GABRE: variants seen among roughly 807,000 people sequenced by gnomAD.
GABRE encodes gamma-aminobutyric acid type A receptor subunit epsilon.
Under a neutral mutation model 31.0 loss-of-function variants are expected in GABRE, and 20 were observed. The ratio of observed to expected loss-of-function variants is 0.64; its 90% CI spans 0.45 to 0.94. The LOEUF (loss-of-function observed/expected upper bound fraction) is 0.94, where lower values mean the gene tolerates loss of function less well. Ranked by LOEUF, GABRE falls within the 40% of genes least tolerant of loss-of-function variation. The pLI is 0.00. For missense variants in GABRE, 420 were observed against 410.7 expected (o/e 1.02, Z -0.20); for synonymous variants, 155 against 150.6 (o/e 1.03, Z -0.21).
chrX:151,968,301 C>A (rs775033942), intron 3 of GABRE, among the ~76,000 whole-genome samples: 1 of 112,406 alleles, frequency 8.9e-6, no homozygotes, highest in East Asian at 2.8e-4. Flanking sequence ...GAGAACCCAG[C>A]TAAGCCATGC....
At chrX:151,969,848 G>C in intron 2 of GABRE, 112 bp from the exon 3 acceptor site, 4 of 1,117,995 alleles carry the variant, frequency 3.6e-6, no homozygotes, top group Non-Finnish European at 3.5e-6. Flanking sequence ...GGACCACACA[G>C]TTTCAGCATC....
intron 1 of GABRE, chrX:151,972,565 G>T: frequency 2.7e-6 from 2 of 753,440 alleles, no homozygotes; most frequent in Non-Finnish European, 3.1e-6. Flanking sequence ...GATCCTCCCC[G>T]CTGCCCCAAG....
chrX:151,968,219 A>G (rs760691575), intron 3 of GABRE, among the ~76,000 whole-genome samples: 1 of 112,148 alleles, frequency 8.9e-6, no homozygotes, highest in Non-Finnish European at 1.9e-5. Flanking sequence ...ATCCCCCCTC[A>G]GTTGAGCCTT....
At position 151,970,225 on chromosome X, in the gene GABRE, G is replaced by T; in HGVS notation, c.234C>A (p.Ile78=). Residue 78 remains isoleucine, a synonymous_variant, in exon 2 of 9, where the codon ATC becomes ATA. Transcript: ENST00000370328. The stretch of plus-strand genomic sequence containing the variant: ...GCAGTTTGTGGTCATAATTACTCAG[G>T]ATAGTGTTCAGGATGCGAGAGGCTT... ...LPEASRILNT[I]LSNYDHKLRP... The T allele has an allele frequency of 8.3e-7, 1 of 1,211,812 alleles. No homozygotes were observed. The highest frequency in any genetic ancestry group is 3.0e-5 in the East Asian group (1 of 33,824).
At position 151,955,405 on chromosome X, in the gene GABRE, T is replaced by C. The variant is rs753515807; in HGVS notation, c.1100A>G (p.Asn367Ser). 20 of 1,211,859 alleles carry C rather than the reference T, an allele frequency of 1.7e-5. No individual in the cohort carries two copies. Among genetic ancestry groups the C allele is most frequent in the Admixed American group, 2.2e-5 (1 of 46,055 alleles). ...AGGAGAAGCATGGGCTTTTGTCTGG[T>C]TGTAGATCAGGAAGTTGAGCACAGC... ...EFAVLNFLIY[N>S]QTKAHASPKL... Residue 367 changes from asparagine to serine, a missense_variant, in exon 8 of 9, where the codon AAC becomes AGC. Asn to Ser is a conservative substitution (Grantham distance 46). Transcript: ENST00000370328.
rs746584013 is a variant in GABRE at position 151,969,721 on chromosome X, A to G, written c.290T>C (p.Val97Ala). The G allele has an allele frequency of 2.5e-6, 3 of 1,210,202 alleles. No individual in the cohort carries two copies. The highest frequency in any genetic ancestry group is 1.7e-5 in the African/African-American group (1 of 57,681). The change falls in exon 3 of 9, where the codon GTC becomes GCC. Residue 97 changes from valine (V) to alanine (A), a missense_variant. Coordinates refer to ENST00000370328, the MANE Select transcript of GABRE (RefSeq NM_004961.4). ...GCTGTTGACGGAGATCTCAACAGTG[A>G]CCACAGTGGGCTTCTCTATAAGGGA... is the stretch of plus-strand genomic sequence containing the variant. ...RPGIGEKPTV[V>A]TVEISVNSLG... is the part of the protein sequence containing the mutation.
intron 2 of GABRE, 59 bp from the exon 3 acceptor site, chrX:151,969,795 A>C: frequency 8.4e-7 from 1 of 1,191,747 alleles, no homozygotes; most frequent in Non-Finnish European, 1.1e-6. Flanking sequence ...GGGACGGGGG[A>C]GGAAGTGGTC....
At chrX:151,961,111 C>T (rs1356045234) in intron 5 of GABRE, 172 bp downstream of exon 5, 6 of 435,821 alleles carry the variant, frequency 1.4e-5, no homozygotes, top group Admixed American at 4.2e-5. Flanking sequence ...AAGGGATGAG[C>T]AACACAGTAT....
chrX:151,961,697 T>G (rs1934380280), intron 4 of GABRE, among the ~76,000 whole-genome samples: 1 of 111,367 alleles, frequency 9.0e-6, no homozygotes, highest in Non-Finnish European at 1.9e-5. Flanking sequence ...TGACCTCAAG[T>G]GATCTGCCTG....
chrX:151,960,305 G>A (rs765551615), intron 5 of GABRE, among the ~76,000 whole-genome samples: 11 of 112,096 alleles, frequency 9.8e-5, no homozygotes, highest in Admixed American at 6.6e-4. Flanking sequence ...ACAGAACAGC[G>A]GGGAAACAAA....
At chrX:151,958,016 A>G (rs1326507005) in intron 6 of GABRE, 2 of 119,914 alleles carry the variant, frequency 1.7e-5, no homozygotes, top group Admixed American at 8.5e-5. Flanking sequence ...GGTCCTGTGA[A>G]ACAGTGGCTG....
intron 1 of GABRE, among the ~76,000 whole-genome samples, chrX:151,974,261 T>G (rs1361900868): frequency 1.8e-5 from 2 of 111,488 alleles, no homozygotes; most frequent in African/African-American, 3.3e-5. Flanking sequence ...GAGGAGTGCT[T>G]GTCACCAGGC....
chrX:151,969,662 T>C lies in GABRE; in HGVS notation c.342+7A>G, dbSNP rs758279214. ...AGGAAATAGTACTAAAAAAGCTTAG[T>C]ACTCACCATGTCTAGGATAGAGAGA... On this transcript the variant is annotated splice_region_variant and intron_variant, in intron 3 of 8. Transcript: ENST00000370328. The C allele has an allele frequency of 5.0e-6, 6 of 1,205,478 alleles. No individual in the cohort carries two copies. The South Asian group carries it at 9.0e-5, about 18-fold the overall frequency.
chrX:151,963,097 A>C lies in GABRE; in HGVS notation c.343-454T>G, dbSNP rs1049847282. On this transcript the variant is annotated intron_variant, in intron 3 of 8. Transcript: ENST00000370328. ...TCCAGAGGAGAGATCTCCAGAAATG[A>C]TACGTCATTGAATCTGTCTTTTTCC... Among the ~76,000 whole-genome samples, 4 of 112,363 alleles carry C rather than the reference A, an allele frequency of 3.6e-5. No individual in the cohort carries two copies. In the Admixed American group the frequency reaches 3.8e-4, roughly 11 times the overall value.
chrX:151,971,832 CGTGTGTGTGTGTGTGT>C, intron 1 of GABRE: 1 of 82,985 alleles, frequency 1.2e-5, no homozygotes, highest in Non-Finnish European at 2.3e-5. Context: ...GAGATGCATG[CGTGTGTGTGTGTGTGT>C]GTGTGTGTGT....
Position 151,954,597 on chromosome X carries a change from T to C in GABRE, c.*104A>G. 2 of 597,070 alleles carry C rather than the reference T, an allele frequency of 3.3e-6. No homozygotes were observed. Among genetic ancestry groups the C allele is most frequent in the Non-Finnish European group, 2.6e-6 (1 of 386,160 alleles). The allele number at this position is 597,070 out of a possible 1,213,427, so 49.2% of individuals were successfully genotyped here. A position where few individuals can be genotyped will look rare whatever the true frequency, so the allele number is the denominator to read the frequency against. On this transcript the variant is annotated 3_prime_UTR_variant, in exon 9 of 9. Coordinates refer to ENST00000370328, the MANE Select transcript of GABRE (RefSeq NM_004961.4). ...TTGGGGAATGGGGCAGGAAAAACTC[T>C]AGTCGCTCCTGCTGCTGCTGCTGCT... is the stretch of plus-strand genomic sequence containing the variant.
rs1482983871 is a variant in GABRE, at chrX:151,962,552, T to C, written c.434A>G (p.Asn145Ser). Reference sequence around the variant, plus strand: ...CGGGATCCATAGCTGGCTCACCACATTGCCATTCAGAACAAGAGACTCAAA... The same window carrying C: ...CGGGATCCATAGCTGGCTCACCACACTGCCATTCAGAACAAGAGACTCAAA... ...DTFESLVLNG[N>S]VVSQLWIPDT... is the part of the protein sequence containing the mutation. Residue 145 changes from asparagine (N) to serine (S), a missense_variant, in exon 4 of 9, where the codon AAT becomes AGT. Transcript: ENST00000370328. The C allele has an allele frequency of 8.3e-7, 1 of 1,211,171 alleles. No homozygotes were observed.
rs771967780 is a variant in GABRE at position 151,970,420 on chromosome X, A to T, written c.57-18T>A. On this transcript the variant is annotated intron_variant, in intron 1 of 8. Transcript: ENST00000370328. ...CCTCGACCCTAGAACATTCAAACGA[A>T]AAATGAAGCTCTGCCCTGCACTCTG... The T allele has an allele frequency of 8.3e-7, 1 of 1,205,560 alleles. No homozygotes were observed. The highest frequency in any genetic ancestry group is 1.7e-5 in the African/African-American group (1 of 57,677).
At chrX:151,971,153 A>T (rs1934683166) in intron 1 of GABRE, 2 of 835,854 alleles carry the variant, frequency 2.4e-6, no homozygotes, top group African/African-American at 4.2e-5. Context: ...TGGTGTTAGA[A>T]GTCCGGATAG....
Sources: allele counts gnomAD v4.1 joint callset (sites outside exome capture counted in the v4.1 genomes callset), GRCh38; gene constraint gnomAD v4.1.1; transcripts MANE v1.5; gene names NCBI Gene and HGNC (gene_info 2026-07-23, HGNC 2026-07-21).